Variants in ELF5 observed in about 807,000 individuals in gnomAD.
ELF5 encodes E74 like ETS transcription factor 5.
A neutral mutation model predicts 38.2 loss-of-function variants in ELF5; 31 were observed. The observed-to-expected ratio is 0.81, with a 90% CI of 0.61 to 1.10. The LOEUF (loss-of-function observed/expected upper bound fraction) is 1.10, where lower values mean the gene tolerates loss of function less well. Among genes scored for constraint, ELF5 ranks in the 50% least tolerant of loss-of-function variants. ELF5 has a pLI of 0.00. For synonymous variants in ELF5, 121 were observed against 112.5 expected (o/e 1.08, Z -0.48); for missense variants, 300 against 306.6 (o/e 0.98, Z 0.16).
chr11:34,485,009 T>C (rs993700487), intron 4 of ELF5, among the ~76,000 whole-genome samples: 1 of 152,176 alleles, frequency 6.6e-6, no homozygotes, highest in Non-Finnish European at 1.5e-5. Context: ...GGGCCTACCT[T>C]ACTGGAAAGA....
intron 4 of ELF5, among the ~76,000 whole-genome samples, chr11:34,488,150 T>A (rs1032455922): frequency 6.6e-6 from 1 of 152,196 alleles, no homozygotes; most frequent in East Asian, 1.9e-4. Flanking sequence ...AATATCATCG[T>A]GATGAGCAGT....
chr11:34,483,947 G>T (rs1480995975), intron 4 of ELF5, among the ~76,000 whole-genome samples: 1 of 151,260 alleles, frequency 6.6e-6, no homozygotes, highest in East Asian at 1.9e-4. Flanking sequence ...ATACTATATT[G>T]CATTACACTG....
chr11:34,513,136 T>G (rs1400940628), intron 1 of ELF5, among the ~76,000 whole-genome samples: 6 of 152,180 alleles, frequency 3.9e-5, no homozygotes, highest in African/African-American at 1.4e-4. Context: ...CTGGAAGCAT[T>G]CTCTTCTGGG....
At chr11:34,480,442 G>C (rs1856910168) in intron 6 of ELF5, 128 bp from the exon 7 acceptor site, 1 of 742,818 alleles carries the variant, frequency 1.3e-6, no homozygotes. Context: ...GTATTTTCAT[G>C]CCCTGTTATC....
intron 5 of ELF5, among the ~76,000 whole-genome samples, chr11:34,481,637 A>G (rs867325087): frequency 1.3e-5 from 2 of 152,180 alleles, no homozygotes; most frequent in Middle Eastern, 3.2e-3. Flanking sequence ...TACTGATTCC[A>G]CAGCCACAAC....
Position 34,505,768 on chromosome 11 carries a change from G to T in ELF5, c.-4-15C>A. 1 of 1,611,250 alleles carries T rather than the reference G, an allele frequency of 6.2e-7. No homozygotes were observed. The highest frequency in any genetic ancestry group is 8.5e-7 in the Non-Finnish European group (1 of 1,178,508). ...CCAACATTACCCTGCAACAGCAGGA[G>T]AGGTCGTGAGGAGGCTGGGGTGAGG... On this transcript the variant is annotated splice_polypyrimidine_tract_variant and intron_variant, in intron 1 of 6. Coordinates refer to ENST00000257832, the MANE Select transcript of ELF5 (RefSeq NM_001422.4).
In ELF5 at chr11:34,481,583, T is replaced by A. The variant is rs759289658; in HGVS notation, c.476-616A>T. Among the ~76,000 whole-genome samples, 135 of 152,204 alleles carry A rather than the reference T, an allele frequency of 8.9e-4. 2 individuals carry two copies. The highest frequency in any genetic ancestry group is 3.1e-4 in the Non-Finnish European group (21 of 68,040). The stretch of plus-strand genomic sequence containing the variant: ...TTTTATGGAATGAGTGAAATGACAG[T>A]CAAATGATCTTTTCATTCTTCTTTC... On this transcript the variant is annotated intron_variant, in intron 5 of 6. Transcript: ENST00000257832.
At chr11:34,509,510 C>T (rs182415454) in intron 1 of ELF5, among the ~76,000 whole-genome samples, 112 of 152,082 alleles carry the variant, frequency 7.4e-4, no homozygotes, top group Non-Finnish European at 1.1e-3. Context: ...TGCAGATTAT[C>T]GTGGGCATGG....
At chr11:34,512,812 C>T (rs1850795499) in intron 1 of ELF5, among the ~76,000 whole-genome samples, 1 of 152,096 alleles carries the variant, frequency 6.6e-6, no homozygotes, top group Non-Finnish European at 1.5e-5. Context: ...CAGAATCAAG[C>T]GTTCACTCGG....
chr11:34,482,825 A>T (rs1175640197), intron 4 of ELF5, among the ~76,000 whole-genome samples: 1 of 152,086 alleles, frequency 6.6e-6, no homozygotes, highest in Non-Finnish European at 1.5e-5. Flanking sequence ...CAATTTAAGA[A>T]GATCTCTCTT....
chr11:34,512,583 A>ATT (rs10647727), intron 1 of ELF5, among the ~76,000 whole-genome samples: 57,444 of 148,580 alleles, frequency 0.39, 11,949 homozygotes, highest in East Asian at 0.62. Flanking sequence ...TAAAATGGGG[A>ATT]TTTTTTTTTT....
chr11:34,504,837 T>TA lies in ELF5; in HGVS notation c.121+791_121+792insT, dbSNP rs1564984917. Among the ~76,000 whole-genome samples the TA allele has an allele frequency of 2.7e-3, 410 of 152,048 alleles. 3 individuals carry two copies. Among genetic ancestry groups the TA allele is most frequent in the African/African-American group, 9.4e-3 (388 of 41,458 alleles). Reference sequence around the variant, plus strand: ...CAAGGTCCCATGCTGCCTTCTCAGGTGGAGAAATCCAGGCTGAGAAAGAGG... The same window carrying TA: ...CAAGGTCCCATGCTGCCTTCTCAGGTAGGAGAAATCCAGGCTGAGAAAGAGG... On this transcript the variant is annotated intron_variant, in intron 2 of 6. Transcript: ENST00000257832.
Position 34,493,577 on chromosome 11 carries a change from C to G in ELF5, c.257G>C (p.Gly86Ala), listed in dbSNP as rs778735446. The G allele has an allele frequency of 3.1e-6, 5 of 1,614,108 alleles. No individual in the cohort carries two copies. In the South Asian group the frequency reaches 4.4e-5, roughly 14 times the overall value. ...CTGTGTCATGCTGCACAGCTGCAGG[C>G]CACTGATGTTGAAGTTGCAGAAGGA... is the stretch of plus-strand genomic sequence containing the variant. ...CISFCNFNIS[G>A]LQLCSMTQEE... The change falls in exon 3 of 7, where the codon GGC becomes GCC. Residue 86 changes from glycine (G) to alanine (A), a missense_variant. Transcript: ENST00000257832.
chr11:34,487,871 C>T (rs975526175), intron 4 of ELF5, among the ~76,000 whole-genome samples: 2 of 152,120 alleles, frequency 1.3e-5, no homozygotes, highest in Admixed American at 6.6e-5. Flanking sequence ...AAACTGGCCC[C>T]GTGTGGCTAG....
chr11:34,495,794 C>T (rs375662323), intron 2 of ELF5, among the ~76,000 whole-genome samples: 4 of 152,310 alleles, frequency 2.6e-5, no homozygotes, highest in South Asian at 4.1e-4. Context: ...TTACCAGGCC[C>T]GTGGGGGCTC....
At chr11:34,497,836 G>C (rs1168968238) in intron 2 of ELF5, among the ~76,000 whole-genome samples, 2 of 152,174 alleles carry the variant, frequency 1.3e-5, no homozygotes, top group African/African-American at 4.8e-5. Context: ...GATCACTCCT[G>C]GCCATCACTT....
intron 1 of ELF5, among the ~76,000 whole-genome samples, chr11:34,512,804 G>GA (rs1850795413): frequency 6.6e-6 from 1 of 152,150 alleles, no homozygotes; most frequent in African/African-American, 2.4e-5. Flanking sequence ...GAAGACAACA[G>GA]AATCAAGCGT....
intron 4 of ELF5, 92 bp downstream of exon 4, chr11:34,489,917 A>G: frequency 6.8e-7 from 1 of 1,470,494 alleles, no homozygotes; most frequent in South Asian, 1.1e-5. Context: ...TTGGTTCATC[A>G]GCTTTTCAGT....
At chr11:34,485,322 G>T (rs1235051920) in intron 4 of ELF5, among the ~76,000 whole-genome samples, 1 of 152,168 alleles carries the variant, frequency 6.6e-6, no homozygotes, top group Non-Finnish European at 1.5e-5. Context: ...GCTAAGATTT[G>T]TTGAGCATTT....
Sources: allele counts gnomAD v4.1 joint callset (sites outside exome capture counted in the v4.1 genomes callset), GRCh38; gene constraint gnomAD v4.1.1; transcripts MANE v1.5; gene names NCBI Gene and HGNC (gene_info 2026-07-23, HGNC 2026-07-21).